Variants in TMEM232 observed in about 807,000 individuals in gnomAD.
The protein encoded by TMEM232 is transmembrane protein 232.
A neutral mutation model predicts 78.8 loss-of-function variants in TMEM232; 80 were observed. The ratio of observed to expected loss-of-function variants is 1.01; its 90% confidence interval spans 0.85 to 1.22. The LOEUF is 1.22. Among genes scored for constraint, TMEM232 ranks in the 50% most tolerant of loss-of-function variants. The probability of loss-of-function intolerance (pLI) is 0.00; values close to 1 mark genes in which losing one functional copy is unlikely to be tolerated. For synonymous variants in TMEM232, 297 were observed against 254.3 expected (o/e 1.17, Z -1.60); for missense variants, 881 against 742.2 (o/e 1.19, Z -2.17).
intron 12 of TMEM232, among the ~76,000 whole-genome samples, chr5:110,524,399 GAAAGAAAGAAAGAAAGAAAAGAAAAGA>G (rs1191832604): frequency 1.8e-4 from 13 of 71,908 alleles, no homozygotes; most frequent in South Asian, 8.4e-4. Context: ...AAGAAAGAAA[GAAAGAAAGAAAGAAAGAAAAGAAAAGA>G]AAAGAAAAGA....
intron 11 of TMEM232, among the ~76,000 whole-genome samples, chr5:110,541,452 T>C (rs1430137783): frequency 6.6e-6 from 1 of 152,154 alleles, no homozygotes; most frequent in Non-Finnish European, 1.5e-5. Flanking sequence ...AATGAGGTTA[T>C]AAAGGTCCTC....
intron 12 of TMEM232, among the ~76,000 whole-genome samples, chr5:110,426,106 T>C (rs1757204065): frequency 1.3e-5 from 2 of 152,034 alleles, no homozygotes; most frequent in African/African-American, 4.8e-5. Context: ...CTGTCATTTC[T>C]TTCTCTTATG....
At chr5:110,511,503 A>G in intron 12 of TMEM232, among the ~76,000 whole-genome samples, 1 of 152,104 alleles carries the variant, frequency 6.6e-6, no homozygotes, top group East Asian at 1.9e-4. Context: ...AACTTATAAT[A>G]CTACATTAAT....
chr5:110,421,832 CATA>C (rs1276763981), intron 13 of TMEM232, among the ~76,000 whole-genome samples: 5 of 152,098 alleles, frequency 3.3e-5, no homozygotes, highest in Non-Finnish European at 7.4e-5. Context: ...AAAATAAAAG[CATA>C]ATAATATCAA....
At chr5:110,409,678 T>C (rs1005848386) in intron 2 of TMEM232, among the ~76,000 whole-genome samples, 1 of 152,186 alleles carries the variant, frequency 6.6e-6, no homozygotes, top group East Asian at 1.9e-4. Context: ...CTGTTGAGTA[T>C]CTTTAGCTCT....
At chr5:110,587,146 CATA>C (rs1272487158) in intron 10 of TMEM232, among the ~76,000 whole-genome samples, 3 of 152,110 alleles carry the variant, frequency 2.0e-5, no homozygotes, top group African/African-American at 7.2e-5. Flanking sequence ...AGCAGATCAA[CATA>C]ATGAGGCATT....
chr5:110,595,250 T>G (rs986284551), intron 10 of TMEM232, among the ~76,000 whole-genome samples: 10 of 151,916 alleles, frequency 6.6e-5, no homozygotes, highest in African/African-American at 2.4e-4. Flanking sequence ...GGACACCCAC[T>G]CAAAAACACT....
intron 4 of TMEM232, among the ~76,000 whole-genome samples, chr5:110,389,524 A>G (rs1755106847): frequency 6.6e-6 from 1 of 152,176 alleles, no homozygotes. Flanking sequence ...CACTTGATAA[A>G]CCTCGGTGAA....
chr5:110,660,591 A>G (rs1789646368), intron 2 of TMEM232, among the ~76,000 whole-genome samples: 1 of 152,198 alleles, frequency 6.6e-6, no homozygotes, highest in Admixed American at 6.5e-5. Context: ...ATAAATTATA[A>G]AACACGTAAG....
chr5:110,491,925 A>C (rs1765140679), intron 12 of TMEM232, among the ~76,000 whole-genome samples: 1 of 151,972 alleles, frequency 6.6e-6, no homozygotes. Flanking sequence ...ATTATATATC[A>C]ATAAATTTCA....
At chr5:110,630,748 A>C (rs747020588) in intron 5 of TMEM232, among the ~76,000 whole-genome samples, 16 of 152,154 alleles carry the variant, frequency 1.1e-4, no homozygotes, top group Admixed American at 3.3e-4. Context: ...TAACAGTGTG[A>C]GAATGAACTA....
At chr5:110,727,454 CAA>C (rs1396994497), upstream of TMEM232, among the ~76,000 whole-genome samples, 3 of 152,040 alleles carry the variant, frequency 2.0e-5, no homozygotes, top group African/African-American at 7.2e-5. Flanking sequence ...ACTAAAAATA[CAA>C]AAGTTAGCCA....
intron 1 of TMEM232, among the ~76,000 whole-genome samples, chr5:110,675,282 T>C (rs1264033499): frequency 6.6e-6 from 1 of 151,986 alleles, no homozygotes; most frequent in Non-Finnish European, 1.5e-5. Context: ...TGACCTCAAG[T>C]GATCTGCCTG....
At chr5:110,477,008 C>T (rs1014401667) in intron 12 of TMEM232, among the ~76,000 whole-genome samples, 1 of 151,884 alleles carries the variant, frequency 6.6e-6, no homozygotes, top group Non-Finnish European at 1.5e-5. Context: ...GAAATCAGAT[C>T]TCCTTTTGGG....
chr5:110,716,608 T>C (rs1365677680), intron 1 of TMEM232, among the ~76,000 whole-genome samples: 1 of 152,080 alleles, frequency 6.6e-6, no homozygotes, highest in Non-Finnish European at 1.5e-5. Context: ...GCTCAAGTGG[T>C]AATGTAAGCA....
intron 2 of TMEM232, among the ~76,000 whole-genome samples, chr5:110,410,431 A>G: frequency 6.6e-6 from 1 of 152,198 alleles, no homozygotes; most frequent in Non-Finnish European, 1.5e-5. Flanking sequence ...AAATTTACTT[A>G]CACTACACTC....
chr5:110,487,934 A>G (rs549988728), intron 12 of TMEM232, among the ~76,000 whole-genome samples: 1 of 152,078 alleles, frequency 6.6e-6, no homozygotes, highest in South Asian at 2.1e-4. Context: ...CCCCATCAAA[A>G]TACCACCATT....
chr5:110,581,098 T>C (rs907651263), intron 10 of TMEM232, among the ~76,000 whole-genome samples: 4 of 151,888 alleles, frequency 2.6e-5, no homozygotes, highest in Non-Finnish European at 5.9e-5. Flanking sequence ...CAAAGCAATA[T>C]ACAGAGTCAA....
intron 10 of TMEM232, among the ~76,000 whole-genome samples, chr5:110,570,502 A>G (rs2149690671): frequency 6.6e-6 from 1 of 152,130 alleles, no homozygotes; most frequent in East Asian, 1.9e-4. Flanking sequence ...TGATATAACA[A>G]TCACAAAAGC....
Sources: allele counts gnomAD v4.1 joint callset (sites outside exome capture counted in the v4.1 genomes callset), GRCh38; gene constraint gnomAD v4.1.1; transcripts MANE v1.5; gene names NCBI Gene and HGNC (gene_info 2026-07-23, HGNC 2026-07-21).